Variants in PDE4D observed in about 807,000 individuals in gnomAD.
PDE4D encodes 3',5'-cyclic-AMP phosphodiesterase 4D.
In PDE4D, 24 loss-of-function variants were observed where a neutral mutation model predicts 87.4. That is an observed-to-expected ratio of 0.27 (90% CI 0.20 to 0.39). The LOEUF (loss-of-function observed/expected upper bound fraction) is 0.39, where lower values mean the gene tolerates loss of function less well. Ranked by LOEUF, PDE4D falls within the 10% of genes least tolerant of loss-of-function variation. The probability of loss-of-function intolerance (pLI) is 1.00; values close to 1 mark genes in which losing one functional copy is unlikely to be tolerated. For missense variants in PDE4D, 714 were observed against 1,041.0 expected (o/e 0.69, Z 4.32); for synonymous variants, 384 against 383.2 (o/e 1.00, Z -0.02).
At chr5:59,374,690 A>G (rs185151873) in intron 1 of PDE4D, among the ~76,000 whole-genome samples, 2 of 152,336 alleles carry the variant, frequency 1.3e-5, no homozygotes, top group Admixed American at 1.3e-4. Context: ...AGATATCTAC[A>G]GAAGTCTCCA....
At chr5:60,093,553 G>A (rs991587472) in intron 2 of PDE4D, among the ~76,000 whole-genome samples, 3 of 152,190 alleles carry the variant, frequency 2.0e-5, no homozygotes, top group Admixed American at 2.0e-4. Flanking sequence ...AGAGAGTGGA[G>A]CAAAGACAAA....
intron 5 of PDE4D, among the ~76,000 whole-genome samples, chr5:59,144,901 G>A (rs868327990): frequency 1.4e-5 from 2 of 139,154 alleles, no homozygotes; most frequent in African/African-American, 5.1e-5. Flanking sequence ...GGGGGGGGGG[G>A]GGGGAACCAT....
chr5:59,761,031 T>A (rs1761897346), intron 1 of PDE4D, among the ~76,000 whole-genome samples: 1 of 152,150 alleles, frequency 6.6e-6, no homozygotes. Context: ...CATGTTAGAG[T>A]GTACTTACAC....
chr5:60,415,441 C>G (rs1407753822), intron 1 of PDE4D, among the ~76,000 whole-genome samples: 1 of 152,228 alleles, frequency 6.6e-6, no homozygotes, highest in Non-Finnish European at 1.5e-5. Context: ...CCTCAGCTTG[C>G]GGGGAGGTGT....
chr5:59,012,015 A>G (rs1424502858), intron 6 of PDE4D, among the ~76,000 whole-genome samples: 1 of 152,182 alleles, frequency 6.6e-6, no homozygotes, highest in African/African-American at 2.4e-5. Context: ...TTCTTAAAGG[A>G]AAGAATTTTC....
chr5:60,304,097 A>C (rs946869238), intron 1 of PDE4D: 1 of 152,212 alleles, frequency 6.6e-6, no homozygotes, highest in African/African-American at 2.4e-5. Flanking sequence ...TGTGAGGGTC[A>C]TGCTAATCTT....
At chr5:60,178,081 A>C (rs542089784) in intron 2 of PDE4D, among the ~76,000 whole-genome samples, 11 of 152,310 alleles carry the variant, frequency 7.2e-5, no homozygotes, top group African/African-American at 2.6e-4. Context: ...AATTTAAAGA[A>C]CCATAAATAT....
At chr5:59,730,836 GA>G (rs1206712931) in intron 1 of PDE4D, among the ~76,000 whole-genome samples, 2 of 152,116 alleles carry the variant, frequency 1.3e-5, no homozygotes, top group African/African-American at 2.4e-5. Context: ...TGCAGAAAGT[GA>G]AAAACTTTTT....
intron 1 of PDE4D, among the ~76,000 whole-genome samples, chr5:60,242,045 G>C (rs1202841884): frequency 6.6e-6 from 1 of 152,178 alleles, no homozygotes; most frequent in African/African-American, 2.4e-5. Flanking sequence ...CCCTAGAATA[G>C]TATATCTGGT....
At chr5:59,529,737 G>T (rs796545186) in intron 1 of PDE4D, among the ~76,000 whole-genome samples, 2 of 152,148 alleles carry the variant, frequency 1.3e-5, no homozygotes, top group African/African-American at 4.8e-5. Context: ...TGACCAAAAG[G>T]TTTGATAAAT....
In PDE4D at chr5:59,396,618, C is replaced by A. The variant is rs1364547883; in HGVS notation, c.456-180650G>T. Among the ~76,000 whole-genome samples, 2 of 101,196 alleles carry A rather than the reference C, an allele frequency of 2.0e-5. 1 individual carries two copies. The highest frequency in any genetic ancestry group is 8.9e-5 in the African/African-American group (2 of 22,492). 66.4% of individuals were successfully genotyped at this position (101,196 alleles called of 152,430 possible). On this transcript the variant is annotated intron_variant, in intron 1 of 14. Coordinates refer to ENST00000340635, the MANE Select transcript of PDE4D (RefSeq NM_001104631.2). Reference sequence around the variant, plus strand: ...GGAAAGGAACAACCGGTACCAGCCGCTGCAAAATCATGCCAAAATGTAAAG... The same window carrying A: ...GGAAAGGAACAACCGGTACCAGCCGATGCAAAATCATGCCAAAATGTAAAG...
intron 1 of PDE4D, among the ~76,000 whole-genome samples, chr5:59,885,183 A>G (rs764494945): frequency 9.2e-5 from 14 of 152,100 alleles, no homozygotes; most frequent in Admixed American, 2.6e-4. Flanking sequence ...AGTTGGTTGA[A>G]TAATTGGTTT....
chr5:59,151,440 G>A (rs1779461238), intron 5 of PDE4D, among the ~76,000 whole-genome samples: 1 of 152,162 alleles, frequency 6.6e-6, no homozygotes, highest in Admixed American at 6.5e-5. Flanking sequence ...GGATCTCACA[G>A]TTATCTGGTT....
chr5:59,340,078 T>C (rs1380654128), intron 1 of PDE4D, among the ~76,000 whole-genome samples: 1 of 152,152 alleles, frequency 6.6e-6, no homozygotes, highest in Admixed American at 6.6e-5. Flanking sequence ...TTTAATTCTC[T>C]CTTGATGAGC....
intron 5 of PDE4D, among the ~76,000 whole-genome samples, chr5:59,047,646 A>G (rs1760910138): frequency 6.6e-6 from 1 of 152,244 alleles, no homozygotes; most frequent in South Asian, 2.1e-4. Flanking sequence ...AGTTAGGAGG[A>G]AAAACTCTCA....
At chr5:59,047,205 C>G (rs145086231) in intron 5 of PDE4D, among the ~76,000 whole-genome samples, 10 of 152,106 alleles carry the variant, frequency 6.6e-5, no homozygotes, top group African/African-American at 2.4e-4. Flanking sequence ...TCAACTAATA[C>G]CTAGGTATAA....
At chr5:59,103,278 C>T (rs1226279173) in intron 5 of PDE4D, among the ~76,000 whole-genome samples, 1 of 151,988 alleles carries the variant, frequency 6.6e-6, no homozygotes, top group Non-Finnish European at 1.5e-5. Context: ...AGACCCAGTC[C>T]AAAAGGGCCC....
chr5:59,585,027 G>A (rs1824867067), intron 1 of PDE4D, among the ~76,000 whole-genome samples: 1 of 152,146 alleles, frequency 6.6e-6, no homozygotes, highest in Admixed American at 6.6e-5. Context: ...ATGGCACCAA[G>A]GCTCCCCCTG....
intron 5 of PDE4D, among the ~76,000 whole-genome samples, chr5:59,126,643 A>G (rs1225637101): frequency 6.6e-6 from 1 of 152,208 alleles, no homozygotes; most frequent in Non-Finnish European, 1.5e-5. Context: ...TAGGAGTTTC[A>G]CATAATTCAA....
Sources: gnomAD v4.1 joint callset for allele counts (sites outside exome capture counted in the v4.1 genomes callset) on GRCh38, gnomAD v4.1.1 for gene constraint, MANE v1.5 for transcripts, NCBI Gene and HGNC (gene_info 2026-07-23, HGNC 2026-07-21) for gene names.